The following AGAP1 variants were observed in gnomAD, a reference collection of about 807,000 sequenced individuals.
AGAP1 encodes the protein ArfGAP with GTPase domain, ankyrin repeat and PH domain 1.
AGAP1 carries 29 observed loss-of-function variants against 105.3 expected under a neutral mutation model. That is an observed-to-expected ratio of 0.28 (90% CI 0.21 to 0.38). The LOEUF is 0.38. AGAP1 is among the 10% of genes least tolerant of loss of function. AGAP1 has a pLI of 1.00. For missense variants in AGAP1, 998 were observed against 1,165.1 expected, an observed-to-expected ratio of 0.86 and a Z score of 2.09; for synonymous variants, 509 against 485.9, an observed-to-expected ratio of 1.05 and a Z score of -0.63.
rs118179051 is a variant in AGAP1 at position 235,668,009 on chromosome 2, G to A, written c.164-41170G>A. On this transcript the variant is annotated intron_variant, in intron 1 of 17. Coordinates refer to ENST00000304032, the MANE Select transcript of AGAP1 (RefSeq NM_001037131.3). The stretch of plus-strand genomic sequence containing the variant: ...AGTCTTCTTTATTGAAACTCAAAAG[G>A]TAAAATGATTCTGTCTTGGAGACCC... 8.1e-4 allele frequency among the ~76,000 whole-genome samples: 115 copies of A among 142,390 alleles called. 1 individual carries two copies. The East Asian group carries it at 0.021, about 26-fold the overall frequency. 93.4% of individuals were successfully genotyped at this position (142,390 alleles called of 152,430 possible). A position where few individuals can be genotyped will look rare whatever the true frequency, so the allele number is the denominator to read the frequency against.
Position 235,733,282 on chromosome 2 carries a change from T to C in AGAP1, c.311-7681T>C, listed in dbSNP as rs552084206. Among the ~76,000 whole-genome samples, 1 of 152,328 alleles carries C rather than the reference T, an allele frequency of 6.6e-6. No homozygotes were observed. Among genetic ancestry groups the C allele is most frequent in the Non-Finnish European group, 1.5e-5 (1 of 68,030 alleles). ...GCCATTCACTTCCAAGGCTTTCTTATTTCCATTCCTCAGTCAGGAGACGAA... is the reference window on the plus strand; with the variant it reads ...GCCATTCACTTCCAAGGCTTTCTTACTTCCATTCCTCAGTCAGGAGACGAA... On this transcript the variant is annotated intron_variant, in intron 3 of 17. Transcript: ENST00000304032. The surrounding 1 kb of genome is among the most constrained non-coding windows in gnomAD (Gnocchi z 5.0).
intron 1 of AGAP1, among the ~76,000 whole-genome samples, chr2:235,652,322 C>T (rs1367580019): frequency 3.9e-5 from 6 of 152,080 alleles, no homozygotes; most frequent in East Asian, 1.9e-4. Context: ...TTCAGCCACG[C>T]AGCCCTCAGA....
rs994740563 is a variant in AGAP1 at position 235,853,123 on chromosome 2, G to GA, written c.1051-30215dup. ...TTTCTTTGAGGAACCTTTTTTTAAA[G>GA]AAAAAAACATTTACTGGCGCTTTGC... On this transcript the variant is annotated intron_variant, in intron 9 of 17. Coordinates refer to ENST00000304032, the MANE Select transcript of AGAP1 (RefSeq NM_001037131.3). 9 of 1,204,700 alleles carry GA rather than the reference G, an allele frequency of 7.5e-6. No homozygotes were observed. In the East Asian group the frequency reaches 1.0e-4, roughly 14 times the overall value. 74.6% of individuals were successfully genotyped at this position (1,204,700 alleles called of 1,614,324 possible).
At chr2:235,897,884 G>A (rs1470407161) in intron 10 of AGAP1, among the ~76,000 whole-genome samples, 2 of 152,182 alleles carry the variant, frequency 1.3e-5, no homozygotes, top group African/African-American at 4.8e-5. Flanking sequence ...GTAGGGAGGG[G>A]CAGGGCTGGA....
chr2:235,999,101 AGGT>A (rs774372086), intron 13 of AGAP1, among the ~76,000 whole-genome samples: 24 of 137,522 alleles, frequency 1.7e-4, no homozygotes, highest in South Asian at 2.4e-4. Context: ...TGATGGTGAG[AGGT>A]GGTGGTGGTG....
intron 9 of AGAP1, among the ~76,000 whole-genome samples, chr2:235,851,275 C>T (rs957337465): frequency 1.3e-5 from 2 of 152,140 alleles, no homozygotes; most frequent in Admixed American, 6.5e-5. Context: ...TCCTGCTGCT[C>T]GGTCGGAGCT....
At chr2:235,730,982 C>T (rs930885109) in intron 3 of AGAP1, among the ~76,000 whole-genome samples, 1 of 152,156 alleles carries the variant, frequency 6.6e-6, no homozygotes, top group African/African-American at 2.4e-5. Flanking sequence ...CCCCCAGCCC[C>T]TAGCCCGGCT....
rs891864112 is a variant in AGAP1 at position 235,733,068 on chromosome 2, C to T, written c.311-7895C>T. Among the ~76,000 whole-genome samples the T allele has an allele frequency of 6.6e-6, 1 of 152,168 alleles. No individual in the cohort carries two copies. The highest frequency in any genetic ancestry group is 1.5e-5 in the Non-Finnish European group (1 of 68,040). ...GCTGCCTCCCGTTGAAAGAGTCTGC[C>T]CTTCTTTAGGGACCAGGGCTCTGCT... On this transcript the variant is annotated intron_variant, in intron 3 of 17. Transcript: ENST00000304032. This position sits in a 1 kb window ranked among gnomAD's most constrained non-coding sequence, Gnocchi z 5.0.
chr2:235,854,370 C>A (rs1043861745), intron 9 of AGAP1, among the ~76,000 whole-genome samples: 1 of 152,240 alleles, frequency 6.6e-6, no homozygotes, highest in Non-Finnish European at 1.5e-5. Flanking sequence ...CTCTCCTTCC[C>A]TCTTTTTCTC....
intron 2 of AGAP1, among the ~76,000 whole-genome samples, chr2:235,710,469 G>C (rs1950795529): frequency 6.6e-6 from 1 of 152,172 alleles, no homozygotes; most frequent in Non-Finnish European, 1.5e-5. Context: ...GGTGTCATCA[G>C]CTGGGCCCAT....
Position 236,131,319 on chromosome 2 carries a change from GGTGC to G in AGAP1, c.*7200_*7203del, listed in dbSNP as rs2060079734. 1 of 152,170 alleles carries G rather than the reference GGTGC, an allele frequency of 6.6e-6. No individual in the cohort carries two copies. Among genetic ancestry groups the G allele is most frequent in the Non-Finnish European group, 1.5e-5 (1 of 68,074 alleles). 9.4% of individuals were successfully genotyped at this position (152,170 alleles called of 1,614,324 possible). ...AATTTGGTTCTCATCTTGCCACAGG[GGTGC>G]GTTTCCTAAAGGGCAGCCGGAGCAG... On this transcript the variant is annotated 3_prime_UTR_variant, in exon 18 of 18. Coordinates refer to ENST00000304032, the MANE Select transcript of AGAP1 (RefSeq NM_001037131.3). The surrounding 1 kb of genome is among the most constrained non-coding windows in gnomAD (Gnocchi z 5.9).
At chr2:235,603,084 C>T (rs1019575711) in intron 1 of AGAP1, among the ~76,000 whole-genome samples, 7 of 152,102 alleles carry the variant, frequency 4.6e-5, no homozygotes, top group African/African-American at 9.7e-5. Context: ...ATAATTCCCA[C>T]GTGTTGTGGG....
chr2:235,702,395 G>A (rs2675120), intron 1 of AGAP1, among the ~76,000 whole-genome samples: 42,987 of 152,120 alleles, frequency 0.28, 7,737 homozygotes, highest in Non-Finnish European at 0.39. Flanking sequence ...TGGAGGCACC[G>A]CTGGACAGGA....
Position 236,062,034 on chromosome 2 carries a change from G to A in AGAP1, c.2114+12753G>A, listed in dbSNP as rs2058211037. ...GGGCTGGCGTGGCTGCCCCTCCTCA[G>A]GCCTGGGGAGTAGAGCTCTGAGCAG... On this transcript the variant is annotated intron_variant, in intron 16 of 17. Coordinates refer to ENST00000304032, the MANE Select transcript of AGAP1 (RefSeq NM_001037131.3). This position sits in a 1 kb window ranked among gnomAD's most constrained non-coding sequence, Gnocchi z 4.2. 6.6e-6 allele frequency among the ~76,000 whole-genome samples: 1 copy of A among 152,186 alleles called. No individual in the cohort carries two copies. The highest frequency in any genetic ancestry group is 2.1e-4 in the South Asian group (1 of 4,834).
At chr2:236,054,740 C>G (rs2125730077) in intron 16 of AGAP1, among the ~76,000 whole-genome samples, 1 of 152,300 alleles carries the variant, frequency 6.6e-6, no homozygotes, top group East Asian at 1.9e-4. Context: ...TCTGATCTCC[C>G]TGTCTGCCCT....
chr2:235,521,586 G>C (rs575832657), intron 1 of AGAP1, among the ~76,000 whole-genome samples: 2 of 152,050 alleles, frequency 1.3e-5, no homozygotes, highest in East Asian at 3.9e-4. Context: ...ACTGTTTTTC[G>C]TTTGCCTTTT....
In AGAP1 at chr2:235,905,778, C is replaced by T. The variant is rs1425005754; in HGVS notation, c.1156-2960C>T. Among the ~76,000 whole-genome samples, 1 of 152,194 alleles carries T rather than the reference C, an allele frequency of 6.6e-6. No homozygotes were observed. Among genetic ancestry groups the T allele is most frequent in the African/African-American group, 2.4e-5 (1 of 41,446 alleles). ...CCTCCCAGAGTGCTGGGATTACAGG[C>T]GTGAGCCACCGCGCCCCGCCTGATG... is the stretch of plus-strand genomic sequence containing the variant. On this transcript the variant is annotated intron_variant, in intron 10 of 17. Transcript: ENST00000304032. This position sits in a 1 kb window ranked among gnomAD's most constrained non-coding sequence, Gnocchi z 4.2.
At chr2:235,670,214 G>A (rs777153821) in intron 1 of AGAP1, 1 of 574,436 alleles carries the variant, frequency 1.7e-6, no homozygotes, top group South Asian at 1.8e-5. Context: ...GGTCAGGAAG[G>A]AGCAGCTGGC....
intron 1 of AGAP1, among the ~76,000 whole-genome samples, chr2:235,544,632 G>A (rs142185380): frequency 3.1e-4 from 47 of 152,340 alleles, no homozygotes; most frequent in African/African-American, 1.1e-3. Flanking sequence ...GGACAGTGCA[G>A]CTTGGGCCGG....
Sources: gnomAD v4.1 joint callset for allele counts (sites outside exome capture counted in the v4.1 genomes callset) on GRCh38, gnomAD v4.1.1 for gene constraint, Gnocchi (gnomAD v3.1) non-coding constraint, MANE v1.5 for transcripts, NCBI Gene and HGNC (gene_info 2026-07-23, HGNC 2026-07-21) for gene names.